EIF2B3: variants seen among roughly 807,000 people sequenced by gnomAD.
EIF2B3 encodes the protein translation initiation factor eIF2B subunit gamma.
Under a neutral mutation model 54.1 loss-of-function variants are expected in EIF2B3, and 20 were observed. The observed-to-expected ratio is 0.37, with a 90% CI of 0.26 to 0.54. The LOEUF is 0.54. EIF2B3 is among the 20% of genes least tolerant of loss of function. The pLI is 0.86. For synonymous variants in EIF2B3, 153 were observed against 188.1 expected, an observed-to-expected ratio of 0.81 and a Z score of 1.52; for missense variants, 448 against 547.8, an observed-to-expected ratio of 0.82 and a Z score of 1.82.
chr1:44,879,960 T>A lies in EIF2B3; in HGVS notation c.833A>T (p.Tyr278Phe). 6.2e-7 allele frequency: 1 copy of A among 1,614,170 alleles called. No individual in the cohort carries two copies. The highest frequency in any genetic ancestry group is 1.1e-5 in the South Asian group (1 of 91,084). ...TCGACAGGCATTCCAGCAGGCATCA[T>A]AGGGAGCCAGGTTCAGTGTATTGGC... ...KEANTLNLAP[Y>F]DACWNACRGD... Residue 278 changes from tyrosine to phenylalanine, a missense_variant, in exon 8 of 12, where the codon TAT becomes TTT. Around this residue, in one of 3 missense-constraint regions of EIF2B3, gnomAD observed 350 missense variants for 414.2 expected, o/e 0.85. Transcript: ENST00000360403.
In EIF2B3 at chr1:44,964,411, A is replaced by G. The variant is rs371542138; in HGVS notation, c.294+13904T>C. 5.9e-5 allele frequency among the ~76,000 whole-genome samples: 9 copies of G among 152,246 alleles called. No individual in the cohort carries two copies. The East Asian group carries it at 1.2e-3, about 20-fold the overall frequency. On this transcript the variant is annotated intron_variant, in intron 3 of 11. Transcript: ENST00000360403. ...ATCTGACAAATAAAAATCTCTGGGA[A>G]AAATGAAAGGTTCCAGGAAAGAATG...
intron 3 of EIF2B3, among the ~76,000 whole-genome samples, chr1:44,964,635 C>T (rs1644318281): frequency 6.6e-6 from 1 of 152,140 alleles, no homozygotes; most frequent in Non-Finnish European, 1.5e-5. Flanking sequence ...AGTCCTTTCT[C>T]TACATCAAAG....
chr1:44,866,997 T>TGTAA (rs1347473829), intron 10 of EIF2B3, among the ~76,000 whole-genome samples: 1 of 152,088 alleles, frequency 6.6e-6, no homozygotes, highest in East Asian at 1.9e-4. Flanking sequence ...GAAGTAGGAA[T>TGTAA]GTAAGGAACC....
At chr1:44,958,580 A>G in intron 3 of EIF2B3, 2 of 1,442,400 alleles carry the variant, frequency 1.4e-6, no homozygotes, top group Admixed American at 1.7e-5. Flanking sequence ...AAGACATGCT[A>G]CTTTGTAATT....
intron 3 of EIF2B3, chr1:44,959,475 T>C (rs967675487): frequency 1.4e-5 from 5 of 361,938 alleles, no homozygotes; most frequent in African/African-American, 1.0e-4. Context: ...CCCAGGAGTA[T>C]GACACTGTAA....
At chr1:44,926,138 G>A (rs1021512612) in intron 5 of EIF2B3, among the ~76,000 whole-genome samples, 1 of 151,956 alleles carries the variant, frequency 6.6e-6, no homozygotes, top group African/African-American at 2.4e-5. Context: ...TGAGGCAGGA[G>A]AATCACTTGA....
chr1:44,955,895 T>G lies in EIF2B3; in HGVS notation c.295-14230A>C, dbSNP rs188256510. On this transcript the variant is annotated intron_variant, in intron 3 of 11. Coordinates refer to ENST00000360403, the MANE Select transcript of EIF2B3 (RefSeq NM_020365.5). ...TGGAGAGGATGTGGAGAAACAGGAA[T>G]GCTTTTACACTGTTGGTGGTAGTGT... 5.1e-3 allele frequency among the ~76,000 whole-genome samples: 769 copies of G among 152,258 alleles called. 10 individuals are homozygous for G. The highest frequency in any genetic ancestry group is 0.018 in the African/African-American group (739 of 41,574).
At chr1:44,902,565 T>C (rs2148917625) in intron 5 of EIF2B3, among the ~76,000 whole-genome samples, 1 of 152,094 alleles carries the variant, frequency 6.6e-6, no homozygotes, top group East Asian at 1.9e-4. Flanking sequence ...CTCATGCATG[T>C]AATCCCAACA....
intron 10 of EIF2B3, among the ~76,000 whole-genome samples, chr1:44,874,002 T>C (rs1439482874): frequency 6.6e-6 from 1 of 151,080 alleles, no homozygotes. Context: ...ATTTGCATTA[T>C]ACTTACCGTT....
intron 10 of EIF2B3, among the ~76,000 whole-genome samples, chr1:44,865,703 C>T (rs1654752493): frequency 6.6e-6 from 1 of 152,002 alleles, no homozygotes. Context: ...CTGCCTCAGC[C>T]AACCAAGTAG....
At chr1:44,972,621 A>AATATACACAT (rs142376983) in intron 3 of EIF2B3, 1 of 81,848 alleles carries the variant, frequency 1.2e-5, no homozygotes, top group Admixed American at 1.3e-4. Context: ...ATAATAAATA[A>AATATACACAT]ATACACACAC....
At chr1:44,871,087 C>G (rs1275915543) in intron 10 of EIF2B3, among the ~76,000 whole-genome samples, 1 of 152,212 alleles carries the variant, frequency 6.6e-6, no homozygotes, top group Non-Finnish European at 1.5e-5. Flanking sequence ...TTATACTCTT[C>G]CCATCTCCCA....
At chr1:44,949,627 T>C (rs1490598051) in intron 3 of EIF2B3, among the ~76,000 whole-genome samples, 1 of 152,142 alleles carries the variant, frequency 6.6e-6, no homozygotes, top group Non-Finnish European at 1.5e-5. Context: ...AGAGACAACT[T>C]TGCAGTTCCC....
chr1:44,926,465 T>C (rs542585402), intron 5 of EIF2B3, among the ~76,000 whole-genome samples, 163 bp downstream of exon 5: 32 of 152,320 alleles, frequency 2.1e-4, no homozygotes, highest in African/African-American at 7.7e-4. Context: ...GCTTATGCAG[T>C]GAAGAAAAGC....
At chr1:44,947,331 G>C (rs1644113844) in intron 3 of EIF2B3, among the ~76,000 whole-genome samples, 1 of 152,210 alleles carries the variant, frequency 6.6e-6, no homozygotes, top group African/African-American at 2.4e-5. Context: ...ACTGCTGCCA[G>C]TTAGTCTTGA....
At chr1:44,865,203 C>T (rs911687674) in intron 10 of EIF2B3, among the ~76,000 whole-genome samples, 5 of 145,972 alleles carry the variant, frequency 3.4e-5, no homozygotes, top group African/African-American at 1.3e-4. Flanking sequence ...GGCAACAGAG[C>T]GAGACTCCAT....
At chr1:44,981,334 C>A (rs1644510652) in intron 1 of EIF2B3, among the ~76,000 whole-genome samples, 157 bp from the exon 2 acceptor site, 1 of 152,126 alleles carries the variant, frequency 6.6e-6, no homozygotes, top group Non-Finnish European at 1.5e-5. Context: ...AGCTTAGCTG[C>A]AGATAAACAT....
chr1:44,968,302 G>A (rs892226809), intron 3 of EIF2B3, among the ~76,000 whole-genome samples: 11 of 149,180 alleles, frequency 7.4e-5, no homozygotes, highest in African/African-American at 2.5e-4. Context: ...GGAGGTCAGG[G>A]CTGAAGTGAG....
At chr1:44,950,369 C>T (rs1644147626) in intron 3 of EIF2B3, among the ~76,000 whole-genome samples, 1 of 152,078 alleles carries the variant, frequency 6.6e-6, no homozygotes, top group South Asian at 2.1e-4. Context: ...CTGCAGTAAG[C>T]TATGATTGTG....
Sources: allele counts gnomAD v4.1 joint callset (sites outside exome capture counted in the v4.1 genomes callset), GRCh38; gene constraint gnomAD v4.1.1; regional missense constraint gnomAD v4.1.1; transcripts MANE v1.5; gene names NCBI Gene and HGNC (gene_info 2026-07-23, HGNC 2026-07-21).